The following HSPBP1 variants were observed in gnomAD, a reference collection of about 807,000 sequenced individuals.
HSPBP1 encodes the protein HSPA (Hsp70) binding protein 1.
In HSPBP1, 31 loss-of-function variants were observed where a neutral mutation model predicts 41.7. The observed-to-expected ratio is 0.74, with a 90% CI of 0.56 to 1.00. HSPBP1 has a LOEUF of 1.00. Ranked by LOEUF, HSPBP1 falls within the 50% of genes least tolerant of loss-of-function variation. The pLI is 0.00. For synonymous variants in HSPBP1, 199 were observed against 214.4 expected (o/e 0.93, Z 0.63); for missense variants, 439 against 487.9 (o/e 0.90, Z 0.94).
chr19:55,278,014 A>T (rs1431097043), intron 2 of HSPBP1, among the ~76,000 whole-genome samples, 168 bp from the exon 3 acceptor site: 1 of 152,190 alleles, frequency 6.6e-6, no homozygotes, highest in Non-Finnish European at 1.5e-5. Context: ...TGGGAGGCCG[A>T]GGTGGGTAGA....
chr19:55,265,181 A>C (rs1600131048), intron 7 of HSPBP1, 97 bp downstream of exon 7: 38 of 213,242 alleles, frequency 1.8e-4, no homozygotes, highest in South Asian at 5.1e-4. Context: ...ATCCTCCTCG[A>C]ACCCCATCCC....
intron 2 of HSPBP1, among the ~76,000 whole-genome samples, chr19:55,279,109 T>C (rs35159664): frequency 0.065 from 9,790 of 151,730 alleles, 384 homozygotes; most frequent in South Asian, 0.17. Context: ...GAACTTGAGA[T>C]TCAGAAAGAT....
At chr19:55,278,774 C>A (rs1467724925) in intron 2 of HSPBP1, among the ~76,000 whole-genome samples, 1 of 152,144 alleles carries the variant, frequency 6.6e-6, no homozygotes, top group Non-Finnish European at 1.5e-5. Flanking sequence ...ATTAGCCAGG[C>A]ATGGTGGCCC....
At chr19:55,274,704 AC>A in intron 3 of HSPBP1, 82 bp from the exon 4 acceptor site, 1 of 1,127,366 alleles carries the variant, frequency 8.9e-7, no homozygotes, top group Non-Finnish European at 1.3e-6. Flanking sequence ...TGATGTTCTG[AC>A]CCCCAGTACC....
chr19:55,278,853 G>A (rs1201835126), intron 2 of HSPBP1, among the ~76,000 whole-genome samples: 1 of 150,976 alleles, frequency 6.6e-6, no homozygotes, highest in Non-Finnish European at 1.5e-5. Context: ...GTCAGAGGTT[G>A]CAGTGAGCCA....
intron 6 of HSPBP1, 23 bp downstream of exon 6, chr19:55,265,863 G>T: frequency 6.5e-7 from 1 of 1,542,820 alleles, no homozygotes; most frequent in South Asian, 1.2e-5. Flanking sequence ...CCCAGGCCCC[G>T]TCCTCTCAAG....
rs145759463 is a variant in HSPBP1, at chr19:55,268,691, G to A, written c.641-2405C>T. The stretch of plus-strand genomic sequence containing the variant: ...TTTTAGTTTATTTTATTTCATTTTT[G>A]AGACAGAGTCTCGCTCTGTCGCCCA... On this transcript the variant is annotated intron_variant, in intron 4 of 7. Coordinates refer to ENST00000433386, the MANE Select transcript of HSPBP1 (RefSeq NM_012267.5). This position sits in a 1 kb window ranked among gnomAD's most constrained non-coding sequence, Gnocchi z 4.5. 1.8e-4 allele frequency among the ~76,000 whole-genome samples: 28 copies of A among 151,972 alleles called. No homozygotes were observed. In the East Asian group the frequency reaches 3.3e-3, roughly 18 times the overall value.
chr19:55,269,870 G>C (rs540121565), intron 4 of HSPBP1, among the ~76,000 whole-genome samples: 1 of 152,262 alleles, frequency 6.6e-6, no homozygotes, highest in South Asian at 2.1e-4. Context: ...TGACAATGAG[G>C]TGTCCATGTA....
At chr19:55,277,047 A>T (rs963114575) in intron 3 of HSPBP1, among the ~76,000 whole-genome samples, 1 of 152,092 alleles carries the variant, frequency 6.6e-6, no homozygotes, top group African/African-American at 2.4e-5. Flanking sequence ...TACACCACCC[A>T]ACCCCTCCAA....
chr19:55,265,525 A>C lies in HSPBP1; in HGVS notation c.894-136T>G, dbSNP rs1430438663. Reference sequence around the variant, plus strand: ...CCCCACAATGGGCCTCCATTTCCCCATCTGCGGAATGGACCTCACGCTGCC... The same window carrying C: ...CCCCACAATGGGCCTCCATTTCCCCCTCTGCGGAATGGACCTCACGCTGCC... On this transcript the variant is annotated intron_variant, in intron 6 of 7. Transcript: ENST00000433386. The C allele has an allele frequency of 1.5e-5, 11 of 719,502 alleles. No homozygotes were observed. The East Asian group carries it at 2.2e-4, about 14-fold the overall frequency. 44.6% of individuals were successfully genotyped at this position (719,502 alleles called of 1,614,324 possible).
rs547791326 is a variant in HSPBP1, at chr19:55,268,179, C to A, written c.641-1893G>T. Among the ~76,000 whole-genome samples the A allele has an allele frequency of 1.3e-5, 2 of 152,186 alleles. No individual in the cohort carries two copies. Among genetic ancestry groups the A allele is most frequent in the Middle Eastern group, 3.4e-3 (1 of 294 alleles). On this transcript the variant is annotated intron_variant, in intron 4 of 7. Transcript: ENST00000433386. The surrounding 1 kb of genome is among the most constrained non-coding windows in gnomAD (Gnocchi z 4.5). The stretch of plus-strand genomic sequence containing the variant: ...GGCGCGGTGGCTCATGCCTGTAATC[C>A]CAGCACTTTGGGAGGCCGAGGTGGG...
intron 4 of HSPBP1, among the ~76,000 whole-genome samples, chr19:55,269,431 G>A (rs949209993): frequency 2.0e-5 from 3 of 152,054 alleles, no homozygotes; most frequent in African/African-American, 7.3e-5. Flanking sequence ...CCTCTTCTCT[G>A]TGCAGCAGTT....
In HSPBP1 at chr19:55,262,470, A is replaced by G; in HGVS notation, c.*138T>C. 11 of 1,461,420 alleles carry G rather than the reference A, an allele frequency of 7.5e-6. No individual in the cohort carries two copies. Among genetic ancestry groups the G allele is most frequent in the Non-Finnish European group, 9.1e-6 (10 of 1,104,684 alleles). The allele number at this position is 1,461,420 out of a possible 1,614,324, so 90.5% of individuals were successfully genotyped here. A position where few individuals can be genotyped will look rare whatever the true frequency, so the allele number is the denominator to read the frequency against. On this transcript the variant is annotated 3_prime_UTR_variant, in exon 8 of 8. Transcript: ENST00000433386. ...GCCTTTCTCAGCGCCCCTTCCAGGGACTGCACAGAGACGGGCTGGCACACC... is the reference window on the plus strand; with the variant it reads ...GCCTTTCTCAGCGCCCCTTCCAGGGGCTGCACAGAGACGGGCTGGCACACC...
chr19:55,269,254 C>T (rs765935279), intron 4 of HSPBP1, among the ~76,000 whole-genome samples: 4 of 152,122 alleles, frequency 2.6e-5, no homozygotes, highest in Non-Finnish European at 4.4e-5. Flanking sequence ...CTCCCAGCTG[C>T]GACAACTAAA....
Position 55,270,782 on chromosome 19 carries a change from C to T in HSPBP1, c.640+3616G>A, listed in dbSNP as rs533706530. Among the ~76,000 whole-genome samples the T allele has an allele frequency of 6.6e-6, 1 of 151,554 alleles. No homozygotes were observed. The highest frequency in any genetic ancestry group is 1.5e-5 in the Non-Finnish European group (1 of 67,882). On this transcript the variant is annotated intron_variant, in intron 4 of 7. Coordinates refer to ENST00000433386, the MANE Select transcript of HSPBP1 (RefSeq NM_012267.5). The surrounding 1 kb of genome is among the most constrained non-coding windows in gnomAD (Gnocchi z 5.4). Reference sequence around the variant, plus strand: ...ACGCCATGCACATCCACACACCACACATACGCACCACACATACACACCTCA... The same window carrying T: ...ACGCCATGCACATCCACACACCACATATACGCACCACACATACACACCTCA...
At position 55,274,530 on chromosome 19, in the gene HSPBP1, C is replaced by A; in HGVS notation, c.508G>T (p.Gly170Cys). 1 of 1,608,078 alleles carries A rather than the reference C, an allele frequency of 6.2e-7. No homozygotes were observed. The highest frequency in any genetic ancestry group is 8.5e-7 in the Non-Finnish European group (1 of 1,179,168). ...GCTGCCACGTTCTGACTGCACGTGC[C>A]GATGAGCTGTGCCGCCCGCCACCGC... ...GLRWRAAQLI[G>C]TCSQNVAAIQ... The change falls in exon 4 of 8, where the codon GGC (glycine) becomes TGC (cysteine). Residue 170 changes from glycine to cysteine, a missense_variant. Physicochemically the swap from Gly to Cys is radical, Grantham distance 159 (BLOSUM62 -3). Transcript: ENST00000433386.
rs1202096782 is a variant in HSPBP1 at position 55,272,826 on chromosome 19, G to C, written c.640+1572C>G. 1.4e-5 allele frequency among the ~76,000 whole-genome samples: 2 copies of C among 145,720 alleles called. No homozygotes were observed. Among genetic ancestry groups the C allele is most frequent in the East Asian group, 3.9e-4 (2 of 5,084 alleles). ...GCGCTCCAGCCTGGGTGACAAGAGC[G>C]AGACTCTGTCTCAAAAAAAAAAAAA... On this transcript the variant is annotated intron_variant, in intron 4 of 7. Transcript: ENST00000433386. The surrounding 1 kb of genome is among the most constrained non-coding windows in gnomAD (Gnocchi z 4.2).
chr19:55,274,096 G>A (rs1013265377), intron 4 of HSPBP1, among the ~76,000 whole-genome samples: 1 of 152,118 alleles, frequency 6.6e-6, no homozygotes, highest in Non-Finnish European at 1.5e-5. Flanking sequence ...GCCCCCGAGA[G>A]AGTGAACCAG....
chr19:55,266,021 C>T (rs766289287), intron 5 of HSPBP1, 39 bp from the exon 6 acceptor site: 1 of 1,572,382 alleles, frequency 6.4e-7, no homozygotes, highest in South Asian at 1.2e-5. Flanking sequence ...GGCAGCCCCA[C>T]CCATCTCCTA....
Sources: allele counts gnomAD v4.1 joint callset (sites outside exome capture counted in the v4.1 genomes callset), GRCh38; gene constraint gnomAD v4.1.1; non-coding constraint Gnocchi (gnomAD v3.1); transcripts MANE v1.5; gene names NCBI Gene and HGNC (gene_info 2026-07-23, HGNC 2026-07-21).